The following TRIM38 variants were observed in gnomAD, a reference collection of about 807,000 sequenced individuals.
TRIM38 encodes tripartite motif containing 38, also known as E3 ubiquitin-protein ligase TRIM38.
A neutral mutation model predicts 35.8 loss-of-function variants in TRIM38; 35 were observed. That is an observed-to-expected ratio of 0.98 (90% CI 0.75 to 1.30). The LOEUF (loss-of-function observed/expected upper bound fraction) is 1.30. Among genes scored for constraint, TRIM38 ranks in the 50% most tolerant of loss-of-function variants. The pLI is 0.00. For synonymous variants in TRIM38, 198 were observed against 204.7 expected, an observed-to-expected ratio of 0.97 and a Z score of 0.28; for missense variants, 545 against 556.9, an observed-to-expected ratio of 0.98 and a Z score of 0.21.
Position 25,989,507 on chromosome 6 carries a change from A to ATTTTTTTTTTTTTTTTTTTTTTTTTTT in TRIM38, c.*5822_*5823insTTTTTTTTTTTTTTTTTTTTTTTTTTT, listed in dbSNP as rs1254792103. The ATTTTTTTTTTTTTTTTTTTTTTTTTTT allele has an allele frequency of 1.8e-5, 2 of 109,938 alleles. No homozygotes were observed. Among genetic ancestry groups the ATTTTTTTTTTTTTTTTTTTTTTTTTTT allele is most frequent in the African/African-American group, 3.3e-5 (1 of 29,936 alleles). The allele number at this position is 109,938 out of a possible 1,614,324, so 6.8% of individuals were successfully genotyped here. A position where few individuals can be genotyped will look rare whatever the true frequency, so the allele number is the denominator to read the frequency against. ...TTTGCTATTGTTAGCAAGGTCTTGT[A>ATTTTTTTTTTTTTTTTTTTTTTTTTTT]TTCTTTTTTTTTTTTTTTTTTTTTT... On this transcript the variant is annotated 3_prime_UTR_variant, in exon 8 of 8. Transcript: ENST00000357085.
intron 4 of TRIM38, 146 bp downstream of exon 4, chr6:25,969,566 C>T: frequency 1.7e-6 from 1 of 592,750 alleles, no homozygotes; most frequent in East Asian, 3.1e-5. Context: ...ATTATTTGTA[C>T]TTATGCCCCT....
In TRIM38 at chr6:25,966,624, C is replaced by A; in HGVS notation, c.102C>A (p.Ser34Arg). ...CAGTAAGCATCAACTGTGGACACAG[C>A]TACTGCCACTTGTGTATAACAGACT... ...TNPVSINCGH[S>R]YCHLCITDFF... The change falls in exon 3 of 8, where the codon AGC (serine) becomes AGA (arginine). Residue 34 changes from serine (S) to arginine (R), a missense_variant. By Grantham distance (110) the Ser-to-Arg change is moderately radical. Coordinates refer to ENST00000357085, the MANE Select transcript of TRIM38 (RefSeq NM_006355.5). 1.2e-6 allele frequency: 2 copies of A among 1,614,202 alleles called. No homozygotes were observed. Among genetic ancestry groups the A allele is most frequent in the Non-Finnish European group, 8.5e-7 (1 of 1,180,032 alleles).
At chr6:25,982,138 T>A (rs1760561952) in intron 7 of TRIM38, among the ~76,000 whole-genome samples, 1 of 152,168 alleles carries the variant, frequency 6.6e-6, no homozygotes, top group African/African-American at 2.4e-5. Flanking sequence ...GCCTAGGGCA[T>A]AAAACCCCTT....
At position 25,977,901 on chromosome 6, in the gene TRIM38, C is replaced by T. The variant is rs565187978; in HGVS notation, c.874+4616C>T. Among the ~76,000 whole-genome samples the T allele has an allele frequency of 1.2e-4, 19 of 152,082 alleles. No individual in the cohort carries two copies. In the East Asian group the frequency reaches 3.1e-3, roughly 25 times the overall value. The stretch of plus-strand genomic sequence containing the variant: ...TTTGTTAAGTATGTCTCATTGGAGA[C>T]CTTCTTTTCCCGTAACTATGACCAG... On this transcript the variant is annotated intron_variant, in intron 7 of 7. Coordinates refer to ENST00000357085, the MANE Select transcript of TRIM38 (RefSeq NM_006355.5).
At chr6:25,973,716 T>A (rs1760308370) in intron 7 of TRIM38, 2 of 985,316 alleles carry the variant, frequency 2.0e-6, no homozygotes, top group Admixed American at 1.2e-4. Context: ...CAGCCAACTC[T>A]TAGAGCAATG....
At chr6:25,979,566 G>A (rs2113614041) in intron 7 of TRIM38, among the ~76,000 whole-genome samples, 1 of 151,680 alleles carries the variant, frequency 6.6e-6, no homozygotes, top group South Asian at 2.1e-4. Context: ...CATTCCATTT[G>A]TGCCTTCTGT....
intron 7 of TRIM38, among the ~76,000 whole-genome samples, chr6:25,979,730 A>G (rs1055393379): frequency 1.3e-5 from 2 of 151,392 alleles, no homozygotes. Flanking sequence ...TTTCTTTTTA[A>G]AAAATTATAT....
At chr6:25,972,940 C>A in intron 5 of TRIM38, 114 bp from the exon 6 acceptor site, 1 of 1,356,614 alleles carries the variant, frequency 7.4e-7, no homozygotes, top group Non-Finnish European at 1.0e-6. Context: ...AAGACTAAGA[C>A]TAGGGTAACT....
At chr6:25,965,726 C>CATCCTAGCT (rs1760012866) in intron 2 of TRIM38, among the ~76,000 whole-genome samples, 2 of 151,982 alleles carry the variant, frequency 1.3e-5, no homozygotes, top group African/African-American at 4.8e-5. Context: ...GAGATCGAGC[C>CATCCTAGCT]AACCAACATG....
In TRIM38 at chr6:25,984,487, C is replaced by G. The variant is rs1008163482; in HGVS notation, c.*800C>G. 1 of 152,198 alleles carries G rather than the reference C, an allele frequency of 6.6e-6. No individual in the cohort carries two copies. Among genetic ancestry groups the G allele is most frequent in the African/African-American group, 2.4e-5 (1 of 41,412 alleles). The allele number at this position is 152,198 out of a possible 1,614,324, so 9.4% of individuals were successfully genotyped here. ...TTGAAAAAGACCAAATTACCATACC[C>G]GAGTGAGTAATGACAGGACTACAAC... On this transcript the variant is annotated 3_prime_UTR_variant, in exon 8 of 8. Coordinates refer to ENST00000357085, the MANE Select transcript of TRIM38 (RefSeq NM_006355.5).
chr6:25,974,043 AT>A, intron 7 of TRIM38: 1 of 206,192 alleles, frequency 4.8e-6, no homozygotes, highest in Non-Finnish European at 8.5e-6. Context: ...AATTACCATA[AT>A]TTAGAACCTT....
chr6:25,978,305 T>C (rs1463552037), intron 7 of TRIM38, among the ~76,000 whole-genome samples: 1 of 151,096 alleles, frequency 6.6e-6, no homozygotes, highest in East Asian at 2.0e-4. Flanking sequence ...CTGGCTGATG[T>C]TTAAATTTTT....
Position 25,985,404 on chromosome 6 carries a change from C to T in TRIM38, c.*1717C>T, listed in dbSNP as rs1386626208. The T allele has an allele frequency of 6.6e-6, 1 of 151,144 alleles. No individual in the cohort carries two copies. Among genetic ancestry groups the T allele is most frequent in the African/African-American group, 2.4e-5 (1 of 41,112 alleles). The allele number at this position is 151,144 out of a possible 1,614,324, so 9.4% of individuals were successfully genotyped here. On this transcript the variant is annotated 3_prime_UTR_variant, in exon 8 of 8. Coordinates refer to ENST00000357085, the MANE Select transcript of TRIM38 (RefSeq NM_006355.5). ...TGTCACTTAAAAAATGTATTCTTTTCTTAAAATGCTATATAAGCCCAAGTT... is the reference window on the plus strand; with the variant it reads ...TGTCACTTAAAAAATGTATTCTTTTTTTAAAATGCTATATAAGCCCAAGTT...
rs1465050376 is a variant in TRIM38, at chr6:25,983,442, C to T, written c.1153C>T (p.Leu385Phe). 1 of 1,614,130 alleles carries T rather than the reference C, an allele frequency of 6.2e-7. No individual in the cohort carries two copies. Among genetic ancestry groups the T allele is most frequent in the South Asian group, 1.1e-5 (1 of 91,082 alleles). Residue 385 changes from leucine (L) to phenylalanine (F), a missense_variant, in exon 8 of 8, where the codon CTC becomes TTC. By Grantham distance (22) the Leu-to-Phe change is conservative (BLOSUM62 0). Transcript: ENST00000357085. ...AGAGCCTCAGTCTGGATTCTGGACC[C>T]TCAGGCTGTGCAAAAAGAAAGGCTA... The part of the protein sequence containing the change: ...KQEPQSGFWT[L>F]RLCKKKGYVA...
At chr6:25,967,676 A>G (rs529046717) in intron 3 of TRIM38, among the ~76,000 whole-genome samples, 1 of 151,856 alleles carries the variant, frequency 6.6e-6, no homozygotes, top group African/African-American at 2.4e-5. Context: ...AGCTAGGACT[A>G]CAGGGATGCC....
intron 4 of TRIM38, among the ~76,000 whole-genome samples, chr6:25,969,772 G>A (rs1351800400): frequency 6.6e-6 from 1 of 152,114 alleles, no homozygotes; most frequent in Non-Finnish European, 1.5e-5. Context: ...CATTACCCTG[G>A]CACTTTTACC....
At chr6:25,969,229 T>C in intron 3 of TRIM38, 96 bp from the exon 4 acceptor site, 1 of 900,318 alleles carries the variant, frequency 1.1e-6, no homozygotes, top group South Asian at 1.7e-5. Context: ...AAATATTCAC[T>C]ATTATTCAAA....
intron 7 of TRIM38, chr6:25,974,880 A>G (rs1277550260): frequency 1.0e-6 from 1 of 985,082 alleles, no homozygotes; most frequent in African/African-American, 1.7e-5. Flanking sequence ...ACCCAAAAGC[A>G]CTCTGTATTT....
chr6:25,972,205 C>A, intron 5 of TRIM38, 106 bp downstream of exon 5: 1 of 958,944 alleles, frequency 1.0e-6, no homozygotes, highest in Non-Finnish European at 1.6e-6. Context: ...TTTAGATGTA[C>A]ATCAGTGCCA....
Sources: allele counts gnomAD v4.1 joint callset (sites outside exome capture counted in the v4.1 genomes callset), GRCh38; gene constraint gnomAD v4.1.1; transcripts MANE v1.5; gene names NCBI Gene and HGNC (gene_info 2026-07-23, HGNC 2026-07-21).